The following BUB3 variants were observed in gnomAD, a reference collection of about 807,000 sequenced individuals.
BUB3 encodes the protein mitotic checkpoint protein BUB3.
Under a neutral mutation model 39.9 loss-of-function variants are expected in BUB3, and 22 were observed. The observed-to-expected ratio is 0.55, with a 90% CI of 0.39 to 0.79. The LOEUF is 0.79. Among genes scored for constraint, BUB3 ranks in the 30% least tolerant of loss-of-function variants. The pLI is 0.00. For synonymous variants in BUB3, 168 were observed against 155.1 expected (o/e 1.08, Z -0.62); for missense variants, 303 against 415.4 (o/e 0.73, Z 2.35).
Position 123,165,578 on chromosome 10 carries a change from G to T in BUB3, c.*1743G>T, listed in dbSNP as rs1844482342. 2.0e-5 allele frequency: 3 copies of T among 152,508 alleles called. No homozygotes were observed. The highest frequency in any genetic ancestry group is 1.9e-4 in the East Asian group (1 of 5,178). The allele number at this position is 152,508 out of a possible 1,614,324, so 9.4% of individuals were successfully genotyped here. On this transcript the variant is annotated 3_prime_UTR_variant, in exon 8 of 8. Coordinates refer to ENST00000368865, the MANE Select transcript of BUB3 (RefSeq NM_004725.4). ...AGCCATTTCCCTCATGCCCCCTTGT[G>T]CCCTCTCGGTGGATCAGCAGGGCCT...
intron 3 of BUB3, 83 bp from the exon 4 acceptor site, chr10:123,157,646 C>T: frequency 7.0e-7 from 1 of 1,435,652 alleles, no homozygotes; most frequent in Non-Finnish European, 9.3e-7. Flanking sequence ...ATGAATGTTT[C>T]TTTTAATTGT....
rs1271031260 is a variant in BUB3, at chr10:123,166,867, C to G, written c.*3032C>G. ...GGTTAGCCTTTGTTCTGTGGGAGAT[C>G]CAGGCCTTGTTAGAAGGACCAAGGC... is the stretch of plus-strand genomic sequence containing the variant. On this transcript the variant is annotated 3_prime_UTR_variant, in exon 8 of 8. Coordinates refer to ENST00000368865, the MANE Select transcript of BUB3 (RefSeq NM_004725.4). 5 of 152,186 alleles carry G rather than the reference C, an allele frequency of 3.3e-5. No homozygotes were observed. Among genetic ancestry groups the G allele is most frequent in the Non-Finnish European group, 7.3e-5 (5 of 68,040 alleles). 9.4% of individuals were successfully genotyped at this position (152,186 alleles called of 1,614,324 possible).
rs1391799097 is a variant in BUB3 at position 123,162,218 on chromosome 10, C to T, written c.577-18C>T. 6 of 1,587,322 alleles carry T rather than the reference C, an allele frequency of 3.8e-6. No individual in the cohort carries two copies. Among genetic ancestry groups the T allele is most frequent in the Admixed American group, 3.8e-5 (2 of 52,774 alleles). On this transcript the variant is annotated intron_variant, in intron 5 of 7. Transcript: ENST00000368865. Reference sequence around the variant, plus strand: ...AGCTGGAATTTACCATTTTTTTCCTCTGGTTCTCTCTTGGCAGGGTTATGT... The same window carrying T: ...AGCTGGAATTTACCATTTTTTTCCTTTGGTTCTCTCTTGGCAGGGTTATGT...
intron 7 of BUB3, 48 bp downstream of exon 7, chr10:123,162,876 G>A (rs1273443126): frequency 6.5e-7 from 1 of 1,542,542 alleles, no homozygotes; most frequent in Non-Finnish European, 8.9e-7. Context: ...ATTCAACCCA[G>A]GATTTATTAA....
At position 123,166,362 on chromosome 10, in the gene BUB3, A is replaced by G. The variant is rs1302131592; in HGVS notation, c.*2527A>G. 1 of 152,188 alleles carries G rather than the reference A, an allele frequency of 6.6e-6. No individual in the cohort carries two copies. Among genetic ancestry groups the G allele is most frequent in the African/African-American group, 2.4e-5 (1 of 41,442 alleles). The allele number at this position is 152,188 out of a possible 1,614,324, so 9.4% of individuals were successfully genotyped here. A position where few individuals can be genotyped will look rare whatever the true frequency, so the allele number is the denominator to read the frequency against. ...CCAAGTAAGAAATACATTTTGAACT[A>G]CAGTTCAGAACACAGAGGTCAGTAT... On this transcript the variant is annotated 3_prime_UTR_variant, in exon 8 of 8. Coordinates refer to ENST00000368865, the MANE Select transcript of BUB3 (RefSeq NM_004725.4).
In BUB3 at chr10:123,156,152, A is replaced by G. The variant is rs1032080796; in HGVS notation, c.265+425A>G. Among the ~76,000 whole-genome samples, 7 of 152,358 alleles carry G rather than the reference A, an allele frequency of 4.6e-5. No homozygotes were observed. The East Asian group carries it at 1.3e-3, about 29-fold the overall frequency. On this transcript the variant is annotated intron_variant, in intron 3 of 7. Transcript: ENST00000368865. ...TGACAAAAAATAGGCAATCATGTCT[A>G]TATTAATTGTGTTTGTTTTAGGTAT...
chr10:123,155,559 C>CATATCCCGA, intron 2 of BUB3, 99 bp from the exon 3 acceptor site: 1 of 1,118,394 alleles, frequency 8.9e-7, no homozygotes, highest in Non-Finnish European at 1.3e-6. Context: ...GAGCCCAGTG[C>CATATCCCGA]ATATCCCGAG....
At chr10:123,157,349 C>G (rs1479742008) in intron 3 of BUB3, among the ~76,000 whole-genome samples, 2 of 152,202 alleles carry the variant, frequency 1.3e-5, no homozygotes, top group African/African-American at 4.8e-5. Context: ...TCTTGAGCAC[C>G]TAGCCTGTAC....
intron 3 of BUB3, among the ~76,000 whole-genome samples, chr10:123,156,557 G>C (rs1192697123): frequency 6.6e-6 from 1 of 152,136 alleles, no homozygotes; most frequent in Non-Finnish European, 1.5e-5. Context: ...GCAGGTATTG[G>C]GTTTTGTTTG....
intron 7 of BUB3, 95 bp downstream of exon 7, chr10:123,162,923 C>A: frequency 8.8e-7 from 1 of 1,137,914 alleles, no homozygotes; most frequent in Non-Finnish European, 1.3e-6. Flanking sequence ...TTGATGCCTG[C>A]TCGATATTAC....
Position 123,155,051 on chromosome 10 carries a change from C to A in BUB3, c.134C>A (p.Pro45Gln). The stretch of plus-strand genomic sequence containing the variant: ...ACGTCCGTGCGTCTCTACGATGTGC[C>A]GGCCAACTCCATGCGGCTCAAGTAC... ...WDTSVRLYDV[P>Q]ANSMRLKYQH... Residue 45 changes from proline (P) to glutamine (Q), a missense_variant, in exon 2 of 8, where the codon CCG (proline) becomes CAG (glutamine). By Grantham distance (76) the Pro-to-Gln change is moderately conservative (BLOSUM62 -1). Coordinates refer to ENST00000368865, the MANE Select transcript of BUB3 (RefSeq NM_004725.4). 3 of 1,614,136 alleles carry A rather than the reference C, an allele frequency of 1.9e-6. No individual in the cohort carries two copies. The East Asian group carries it at 6.7e-5, about 36-fold the overall frequency.
chr10:123,155,251 C>T (rs907348340), intron 2 of BUB3, 139 bp downstream of exon 2: 1 of 988,088 alleles, frequency 1.0e-6, no homozygotes, highest in Non-Finnish European at 1.4e-6. Context: ...TCAGGAGCAT[C>T]TGCCTTGAAC....
At position 123,168,579 on chromosome 10, in the gene BUB3, C is replaced by T. The variant is rs758019943; in HGVS notation, c.*4744C>T. On this transcript the variant is annotated 3_prime_UTR_variant, in exon 8 of 8. Coordinates refer to ENST00000368865, the MANE Select transcript of BUB3 (RefSeq NM_004725.4). ...TTTTTTTTTTTTCGAGACACAGTCT[C>T]GTTCTGTCGCCCAGGCTGGAGTGCA... 6 of 151,960 alleles carry T rather than the reference C, an allele frequency of 3.9e-5. No individual in the cohort carries two copies. Among genetic ancestry groups the T allele is most frequent in the Admixed American group, 6.6e-5 (1 of 15,266 alleles). The allele number at this position is 151,960 out of a possible 1,614,324, so 9.4% of individuals were successfully genotyped here. A position where few individuals can be genotyped will look rare whatever the true frequency, so the allele number is the denominator to read the frequency against.
At chr10:123,155,818 T>C (rs964226588) in intron 3 of BUB3, 91 bp downstream of exon 3, 3 of 1,256,442 alleles carry the variant, frequency 2.4e-6, no homozygotes, top group African/African-American at 3.0e-5. Context: ...CTAAATTGCT[T>C]AGTTACTAAG....
intron 1 of BUB3, 186 bp from the exon 2 acceptor site, chr10:123,154,732 G>C: frequency 1.6e-6 from 1 of 625,400 alleles, no homozygotes; most frequent in Non-Finnish European, 2.6e-6. Context: ...GTTTGGGCGC[G>C]GCGGGGGCCG....
chr10:123,165,159 T>C lies in BUB3; in HGVS notation c.*1324T>C. 7.2e-7 allele frequency: 1 copy of C among 1,394,774 alleles called. No homozygotes were observed. Among genetic ancestry groups the C allele is most frequent in the Non-Finnish European group, 1.0e-6 (1 of 993,648 alleles). 86.4% of individuals were successfully genotyped at this position (1,394,774 alleles called of 1,614,324 possible). A position where few individuals can be genotyped will look rare whatever the true frequency, so the allele number is the denominator to read the frequency against. Reference sequence around the variant, plus strand: ...GTTAGAGTTACTGTGGATTTCTCTGTTTTCTGTCTTACAAGAAACTTGTCT... The same window carrying C: ...GTTAGAGTTACTGTGGATTTCTCTGCTTTCTGTCTTACAAGAAACTTGTCT... On this transcript the variant is annotated 3_prime_UTR_variant, in exon 8 of 8. Transcript: ENST00000368865.
At chr10:123,159,008 C>A (rs747275335) in intron 4 of BUB3, among the ~76,000 whole-genome samples, 14 of 152,174 alleles carry the variant, frequency 9.2e-5, no homozygotes, top group Non-Finnish European at 1.9e-4. Flanking sequence ...ATGATTGTAC[C>A]ATTATAAATC....
chr10:123,157,826 A>G lies in BUB3; in HGVS notation c.363A>G (p.Lys121=), dbSNP rs1331201710. Residue 121 remains lysine (K), a synonymous_variant, in exon 4 of 8, where the codon AAA becomes AAG. Coordinates refer to ENST00000368865, the MANE Select transcript of BUB3 (RefSeq NM_004725.4). Reference sequence around the variant, plus strand: ...CTGGAAGTTGGGATCAGACAGTTAAACTGTGGGATCCCAGAACTCCTTGTA... The same window carrying G: ...CTGGAAGTTGGGATCAGACAGTTAAGCTGTGGGATCCCAGAACTCCTTGTA... The part of the protein sequence containing the change: ...MVTGSWDQTV[K]LWDPRTPCNA... 1.2e-5 allele frequency: 19 copies of G among 1,613,978 alleles called. 1 individual carries two copies. The highest frequency in any genetic ancestry group is 1.5e-5 in the Non-Finnish European group (18 of 1,180,012).
intron 4 of BUB3, 129 bp from the exon 5 acceptor site, chr10:123,160,278 T>TA: frequency 1.3e-6 from 1 of 786,982 alleles, no homozygotes; most frequent in Non-Finnish European, 1.9e-6. Flanking sequence ...CTAAAATTGT[T>TA]ATCTGTGATT....
Sources: allele counts gnomAD v4.1 joint callset (sites outside exome capture counted in the v4.1 genomes callset), GRCh38; gene constraint gnomAD v4.1.1; transcripts MANE v1.5; gene names NCBI Gene and HGNC (gene_info 2026-07-23, HGNC 2026-07-21).